The following SLC4A11 variants were observed in gnomAD, a reference collection of about 807,000 sequenced individuals.
SLC4A11 encodes bicarbonate transporter related protein 1.
Under a neutral mutation model 95.0 loss-of-function variants are expected in SLC4A11, and 74 were observed. The observed-to-expected ratio is 0.78, with a 90% CI of 0.65 to 0.95. SLC4A11 has a LOEUF of 0.95. SLC4A11 is among the 40% of genes least tolerant of loss of function. The pLI is 0.00. For missense variants in SLC4A11, 1,081 were observed against 1,192.4 expected, an observed-to-expected ratio of 0.91 and a Z score of 1.38; for synonymous variants, 548 against 519.0, an observed-to-expected ratio of 1.06 and a Z score of -0.76.
In SLC4A11 at chr20:3,231,550, TA is replaced by T; in HGVS notation, c.730-3del. Reference sequence around the variant, plus strand: ...CTCCATCGCAGTCTTAGTGCTTTTCTAGGGGTGGAGGATGGGAGTCACCCCT... The same window carrying T: ...CTCCATCGCAGTCTTAGTGCTTTTCTGGGGTGGAGGATGGGAGTCACCCCT... On this transcript the variant is annotated splice_region_variant and splice_polypyrimidine_tract_variant and intron_variant, in intron 7 of 19. Transcript: ENST00000642402. The surrounding 1 kb of genome is among the most constrained non-coding windows in gnomAD (Gnocchi z 5.2). 1.2e-6 allele frequency: 2 copies of T among 1,611,282 alleles called. No homozygotes were observed. The highest frequency in any genetic ancestry group is 8.5e-7 in the Non-Finnish European group (1 of 1,179,442).
intron 19 of SLC4A11, 126 bp downstream of exon 19, chr20:3,228,131 TGG>T: frequency 2.0e-6 from 1 of 499,426 alleles, no homozygotes; most frequent in South Asian, 1.7e-5. Context: ...CCCCTCCTCC[TGG>T]GCACCCACCC....
At chr20:3,228,214 A>C (rs903876118) in intron 19 of SLC4A11, 45 bp downstream of exon 19, 1 of 1,402,610 alleles carries the variant, frequency 7.1e-7, no homozygotes, top group Non-Finnish European at 9.4e-7. Flanking sequence ...CCCATTCTCC[A>C]CACCTAGACT....
upstream of SLC4A11, chr20:3,239,333 G>A (rs2068085144): frequency 8.7e-7 from 1 of 1,143,124 alleles, no homozygotes; most frequent in Non-Finnish European, 1.1e-6. Context: ...CCGGCCGCCC[G>A]CCCCGCGCCC....
chr20:3,238,891 A>C (rs1045249503), intron 1 of SLC4A11: 63 of 1,251,930 alleles, frequency 5.0e-5, no homozygotes, highest in Non-Finnish European at 6.1e-5. Flanking sequence ...AATGAAACCA[A>C]GCGCGCGGTG....
Sources: gnomAD v4.1 joint callset for allele counts on GRCh38, gnomAD v4.1.1 for gene constraint, Gnocchi (gnomAD v3.1) non-coding constraint, MANE v1.5 for transcripts, NCBI Gene and HGNC (gene_info 2026-07-23, HGNC 2026-07-21) for gene names.